Variants in AGBL4 observed in about 807,000 individuals in gnomAD.
AGBL4 encodes the protein AGBL carboxypeptidase 4, also known as cytosolic carboxypeptidase 6.
AGBL4 carries 58 observed loss-of-function variants against 66.4 expected under a neutral mutation model. The ratio of observed to expected loss-of-function variants is 0.87; its 90% confidence interval spans 0.71 to 1.09. The LOEUF (loss-of-function observed/expected upper bound fraction) is 1.09, where lower values mean the gene tolerates loss of function less well. Ranked by LOEUF, AGBL4 falls within the 50% of genes least tolerant of loss-of-function variation. The pLI is 0.00. For missense variants in AGBL4, 579 were observed against 631.0 expected (o/e 0.92, Z 0.88); for synonymous variants, 234 against 222.9 (o/e 1.05, Z -0.44).
At chr1:49,958,690 G>T (rs374754592) in intron 1 of AGBL4, among the ~76,000 whole-genome samples, 1 of 141,610 alleles carries the variant, frequency 7.1e-6, no homozygotes, top group Non-Finnish European at 1.5e-5. Flanking sequence ...ACTAGGGCCT[G>T]TTGTGGGGTT....
At chr1:49,344,073 A>G (rs765041907) in intron 3 of AGBL4, among the ~76,000 whole-genome samples, 76 of 152,198 alleles carry the variant, frequency 5.0e-4, no homozygotes, top group Admixed American at 1.4e-3. Context: ...GGACATGTAG[A>G]GTTAGCCATG....
chr1:49,376,145 C>T (rs751883802), intron 3 of AGBL4, among the ~76,000 whole-genome samples: 1 of 152,106 alleles, frequency 6.6e-6, no homozygotes, highest in African/African-American at 2.4e-5. Context: ...TCTAGTAAAC[C>T]ACTATTTGGT....
At chr1:49,401,944 C>A (rs545190311) in intron 3 of AGBL4, among the ~76,000 whole-genome samples, 31 of 152,178 alleles carry the variant, frequency 2.0e-4, no homozygotes, top group African/African-American at 6.7e-4. Flanking sequence ...ATTTCTTCTA[C>A]ATTTTCTAAT....
intron 6 of AGBL4, among the ~76,000 whole-genome samples, chr1:48,781,221 A>T (rs1268263945): frequency 2.0e-5 from 3 of 152,224 alleles, no homozygotes; most frequent in African/African-American, 7.2e-5. Context: ...CAGAGTAAAC[A>T]CAGATCAAAA....
chr1:48,747,031 A>G (rs1460959736), intron 6 of AGBL4, among the ~76,000 whole-genome samples: 2 of 152,232 alleles, frequency 1.3e-5, no homozygotes, highest in South Asian at 2.1e-4. Flanking sequence ...CGGCTTCACT[A>G]CCGATGTTGG....
At chr1:49,669,457 T>TAA (rs1171283068) in intron 3 of AGBL4, among the ~76,000 whole-genome samples, 2 of 152,204 alleles carry the variant, frequency 1.3e-5, no homozygotes, top group Non-Finnish European at 1.5e-5. Flanking sequence ...GTGTGTGGGC[T>TAA]AACCCACATG....
intron 1 of AGBL4, among the ~76,000 whole-genome samples, chr1:49,959,217 A>G (rs1476447304): frequency 2.0e-5 from 3 of 151,960 alleles, no homozygotes; most frequent in Non-Finnish European, 2.9e-5. Flanking sequence ...ATTCCAAAGC[A>G]TGGCAGATAG....
the AGBL4 span, among the ~76,000 whole-genome samples, chr1:48,525,896 G>A: frequency 3.0e-4 from 46 of 152,248 alleles, no homozygotes; most frequent in African/African-American, 9.6e-4. Flanking sequence ...TCTTTATAAC[G>A]CAGGAGTGTG....
chr1:49,198,171 C>T (rs1647384037), intron 4 of AGBL4, among the ~76,000 whole-genome samples: 1 of 151,958 alleles, frequency 6.6e-6, no homozygotes, highest in South Asian at 2.1e-4. Flanking sequence ...ACTCACACTC[C>T]CTCTCTCGTA....
chr1:48,725,523 T>A (rs1278538655), intron 6 of AGBL4, among the ~76,000 whole-genome samples: 1 of 152,224 alleles, frequency 6.6e-6, no homozygotes, highest in African/African-American at 2.4e-5. Context: ...TTGTTTTCCA[T>A]TGACTAATAC....
chr1:48,806,042 T>G (rs892872349), intron 6 of AGBL4, among the ~76,000 whole-genome samples: 7 of 152,178 alleles, frequency 4.6e-5, no homozygotes, highest in Non-Finnish European at 8.8e-5. Context: ...GAATGATGAT[T>G]GCTTAGAAAC....
intron 5 of AGBL4, among the ~76,000 whole-genome samples, chr1:48,929,671 T>A (rs906697673): frequency 6.6e-6 from 1 of 152,186 alleles, no homozygotes; most frequent in East Asian, 1.9e-4. Context: ...ATCTGATAAG[T>A]TGTATAGCAC....
chr1:49,039,174 G>A (rs1322467236), intron 5 of AGBL4, among the ~76,000 whole-genome samples: 1 of 152,098 alleles, frequency 6.6e-6, no homozygotes, highest in Non-Finnish European at 1.5e-5. Flanking sequence ...GTGGTTGACA[G>A]GGGTTATGGG....
chr1:49,432,278 T>C (rs1570702144), intron 3 of AGBL4, among the ~76,000 whole-genome samples: 1 of 152,216 alleles, frequency 6.6e-6, no homozygotes, highest in African/African-American at 2.4e-5. Flanking sequence ...CACGTAGACA[T>C]ATAGCTTAGC....
At chr1:48,790,487 T>C (rs1014552752) in intron 6 of AGBL4, among the ~76,000 whole-genome samples, 2 of 152,182 alleles carry the variant, frequency 1.3e-5, no homozygotes, top group Non-Finnish European at 2.9e-5. Flanking sequence ...AAACAGATTC[T>C]ATAGAATGAG....
At chr1:49,918,595 T>C (rs1651841886) in intron 1 of AGBL4, among the ~76,000 whole-genome samples, 1 of 152,110 alleles carries the variant, frequency 6.6e-6, no homozygotes, top group Non-Finnish European at 1.5e-5. Flanking sequence ...CAATAATTAA[T>C]AGCCTACCAA....
intron 1 of AGBL4, among the ~76,000 whole-genome samples, chr1:50,009,112 G>T (rs548666988): frequency 3.3e-4 from 50 of 152,174 alleles, no homozygotes; most frequent in Non-Finnish European, 6.0e-4. Context: ...AAAAACAGAG[G>T]AGAAGGGAAT....
At chr1:49,756,624 C>A (rs761979651) in intron 2 of AGBL4, among the ~76,000 whole-genome samples, 4 of 152,174 alleles carry the variant, frequency 2.6e-5, no homozygotes, top group Non-Finnish European at 5.9e-5. Context: ...GTGGGATGGA[C>A]CAGGTGGGCG....
At chr1:48,560,330 T>C (rs1283218328) in intron 11 of AGBL4, among the ~76,000 whole-genome samples, 3 of 152,202 alleles carry the variant, frequency 2.0e-5, no homozygotes, top group Non-Finnish European at 4.4e-5. Context: ...CTGACTCATC[T>C]TTCAATACCC....
Sources: allele counts gnomAD v4.1 joint callset (sites outside exome capture counted in the v4.1 genomes callset), GRCh38; gene constraint gnomAD v4.1.1; transcripts MANE v1.5; gene names NCBI Gene and HGNC (gene_info 2026-07-23, HGNC 2026-07-21).